The following MYO3A variants were observed in gnomAD, a reference collection of about 807,000 sequenced individuals.
MYO3A encodes myosin-IIIa.
A neutral mutation model predicts 192.7 loss-of-function variants in MYO3A; 180 were observed. The observed-to-expected ratio is 0.93, with a 90% CI of 0.83 to 1.06. The LOEUF is 1.06. MYO3A is among the 50% of genes least tolerant of loss of function. MYO3A has a pLI of 0.00. For synonymous variants in MYO3A, 628 were observed against 645.3 expected, an observed-to-expected ratio of 0.97 and a Z score of 0.41; for missense variants, 1,896 against 1,905.0, an observed-to-expected ratio of 1.00 and a Z score of 0.09.
intron 10 of MYO3A, among the ~76,000 whole-genome samples, chr10:26,040,743 T>C (rs1843299579): frequency 1.3e-5 from 2 of 152,132 alleles, no homozygotes. Context: ...TTTGTTTCAT[T>C]GTGGTCAGAG....
intron 10 of MYO3A, among the ~76,000 whole-genome samples, chr10:26,051,781 A>C (rs559096916): frequency 6.6e-6 from 1 of 152,102 alleles, no homozygotes; most frequent in South Asian, 2.1e-4. Context: ...TTGTGAATGA[A>C]GTTTTATTAG....
At chr10:26,143,673 T>A in intron 21 of MYO3A, 72 bp downstream of exon 21, 2 of 1,556,062 alleles carry the variant, frequency 1.3e-6, no homozygotes, top group South Asian at 1.1e-5. Context: ...ATTTTTTAAA[T>A]GGCTTTAAAT....
chr10:26,015,357 C>T (rs1841931499), intron 6 of MYO3A, among the ~76,000 whole-genome samples: 1 of 152,152 alleles, frequency 6.6e-6, no homozygotes, highest in African/African-American at 2.4e-5. Context: ...ACTCTCTAGA[C>T]AAGATGATTT....
intron 4 of MYO3A, among the ~76,000 whole-genome samples, chr10:25,979,719 G>A (rs933330702): frequency 6.6e-5 from 10 of 152,104 alleles, no homozygotes; most frequent in African/African-American, 2.4e-4. Flanking sequence ...AGGTAATTGT[G>A]TGTTTTCCCT....
intron 32 of MYO3A, among the ~76,000 whole-genome samples, chr10:26,196,881 G>A (rs1047503261): frequency 7.9e-5 from 12 of 152,054 alleles, no homozygotes; most frequent in South Asian, 2.1e-4. Flanking sequence ...AATGTGTAAT[G>A]ATCAAATCAG....
intron 32 of MYO3A, among the ~76,000 whole-genome samples, chr10:26,200,222 G>A (rs1376974361): frequency 6.6e-6 from 1 of 152,036 alleles, no homozygotes; most frequent in Non-Finnish European, 1.5e-5. Context: ...ACCATGAACT[G>A]TTTCACTCAT....
chr10:26,139,161 A>G (rs1343759772), intron 20 of MYO3A, among the ~76,000 whole-genome samples: 5 of 152,198 alleles, frequency 3.3e-5, no homozygotes, highest in Admixed American at 6.5e-5. Flanking sequence ...CCCAAAATCT[A>G]TCCTCTTAAG....
intron 17 of MYO3A, among the ~76,000 whole-genome samples, chr10:26,118,512 C>T (rs1263018687): frequency 2.6e-5 from 4 of 152,130 alleles, no homozygotes; most frequent in African/African-American, 9.7e-5. Flanking sequence ...TCCATCTTGC[C>T]CCAGTCCACT....
chr10:26,140,498 A>G (rs561070671), intron 20 of MYO3A, among the ~76,000 whole-genome samples: 1 of 152,248 alleles, frequency 6.6e-6, no homozygotes, highest in Non-Finnish European at 1.5e-5. Flanking sequence ...AGCCTGGCCA[A>G]TATGGTGAAA....
At chr10:26,098,332 A>T (rs558124932) in intron 17 of MYO3A, among the ~76,000 whole-genome samples, 1 of 152,268 alleles carries the variant, frequency 6.6e-6, no homozygotes, top group South Asian at 2.1e-4. Context: ...AGATGGGTAG[A>T]TTGTAAAAAT....
In MYO3A at chr10:26,033,752, G is replaced by A. The variant is rs375555888; in HGVS notation, c.953+7220G>A. ...AGTTTCAATCCCATTTCCACTAGCA[G>A]GGGCAGGAGGGCTTATCCAGGAGGT... On this transcript the variant is annotated intron_variant, in intron 10 of 34. Transcript: ENST00000642920. Among the ~76,000 whole-genome samples the A allele has an allele frequency of 5.3e-5, 8 of 152,276 alleles. No individual in the cohort carries two copies. The East Asian group carries it at 9.6e-4, about 18-fold the overall frequency.
chr10:26,176,725 T>C lies in MYO3A; in HGVS notation c.4318T>C (p.Phe1440Leu). 6.2e-7 allele frequency: 1 copy of C among 1,610,374 alleles called. No homozygotes were observed. The highest frequency in any genetic ancestry group is 8.5e-7 in the Non-Finnish European group (1 of 1,176,642). Residue 1440 changes from phenylalanine (F) to leucine (L), a missense_variant, in exon 31 of 35, where the codon TTC becomes CTC. Physicochemically the swap from Phe to Leu is conservative, Grantham distance 22 (BLOSUM62 0). Transcript: ENST00000642920. The stretch of plus-strand genomic sequence containing the variant: ...GATATCAAAGTTATCTGAAGAATAT[T>C]TCATTCTGCAGAAAAAATTGAATGA... ...KQISKLSEEYFILQKKLNEMI... is the reference protein window; with the variant it reads ...KQISKLSEEYLILQKKLNEMI...
intron 31 of MYO3A, among the ~76,000 whole-genome samples, chr10:26,189,432 A>T (rs1843020500): frequency 1.3e-5 from 2 of 152,204 alleles, no homozygotes; most frequent in Non-Finnish European, 2.9e-5. Flanking sequence ...TCAATGAAAG[A>T]GAGATCACTG....
intron 17 of MYO3A, among the ~76,000 whole-genome samples, chr10:26,101,699 T>G (rs879294592): frequency 2.0e-5 from 3 of 152,174 alleles, no homozygotes; most frequent in Non-Finnish European, 4.4e-5. Flanking sequence ...GAAAATTCTT[T>G]TCTTTAAGAA....
chr10:26,049,376 C>G lies in MYO3A; in HGVS notation c.954-17599C>G, dbSNP rs114687122. ...GGAGAAATAGGGAATATGAACTCCT[C>G]TTTTAGGAAGCTCAGCTATGAAGGG... On this transcript the variant is annotated intron_variant, in intron 10 of 34. Coordinates refer to ENST00000642920, the MANE Select transcript of MYO3A (RefSeq NM_017433.5). Among the ~76,000 whole-genome samples the G allele has an allele frequency of 8.7e-3, 1,321 of 152,186 alleles. 14 individuals are homozygous for G. The highest frequency in any genetic ancestry group is 0.029 in the African/African-American group (1,202 of 41,522).
intron 15 of MYO3A, among the ~76,000 whole-genome samples, chr10:26,095,545 G>A (rs956043531): frequency 2.6e-5 from 4 of 152,152 alleles, no homozygotes; most frequent in Non-Finnish European, 5.9e-5. Context: ...ATCCTCTGCT[G>A]TTTCAGCAGA....
At chr10:26,002,663 A>G (rs570581550) in intron 6 of MYO3A, among the ~76,000 whole-genome samples, 13 of 152,344 alleles carry the variant, frequency 8.5e-5, no homozygotes, top group Middle Eastern at 3.4e-3. Flanking sequence ...GGTAATCGGA[A>G]TGAGTCAGGG....
intron 10 of MYO3A, among the ~76,000 whole-genome samples, chr10:26,063,365 C>T (rs1834628358): frequency 6.6e-6 from 1 of 152,108 alleles, no homozygotes; most frequent in Non-Finnish European, 1.5e-5. Flanking sequence ...CATATAAAAA[C>T]TTATTTCCAA....
At chr10:26,019,159 A>G (rs1842141320) in intron 7 of MYO3A, among the ~76,000 whole-genome samples, 2 of 150,146 alleles carry the variant, frequency 1.3e-5, no homozygotes, top group African/African-American at 4.9e-5. Flanking sequence ...AAACTCTCCT[A>G]CTCTAAGCAA....
Sources: gnomAD v4.1 joint callset for allele counts (sites outside exome capture counted in the v4.1 genomes callset) on GRCh38, gnomAD v4.1.1 for gene constraint, MANE v1.5 for transcripts, NCBI Gene and HGNC (gene_info 2026-07-23, HGNC 2026-07-21) for gene names.